Variants in PRLR observed in about 807,000 individuals in gnomAD.
The protein encoded by PRLR is prolactin receptor.
Under a neutral mutation model 40.2 loss-of-function variants are expected in PRLR, and 13 were observed. The ratio of observed to expected loss-of-function variants is 0.32; its 90% CI spans 0.21 to 0.51. PRLR has a LOEUF of 0.51. PRLR is among the 20% of genes least tolerant of loss of function. The pLI, the probability that PRLR is intolerant of heterozygous loss-of-function variation, is 0.97. For synonymous variants in PRLR, 269 were observed against 278.7 expected (o/e 0.97, Z 0.35); for missense variants, 656 against 747.3 (o/e 0.88, Z 1.42).
chr5:35,080,570 A>T (rs1264565991), intron 5 of PRLR, among the ~76,000 whole-genome samples: 1 of 152,216 alleles, frequency 6.6e-6, no homozygotes, highest in Non-Finnish European at 1.5e-5. Flanking sequence ...GTGGAGAAAT[A>T]GGAACACTTT....
chr5:35,080,715 T>C (rs1003374510), intron 5 of PRLR, among the ~76,000 whole-genome samples: 4 of 152,094 alleles, frequency 2.6e-5, no homozygotes, highest in Admixed American at 6.6e-5. Flanking sequence ...GGATTATAAA[T>C]AATGCTGCCA....
chr5:35,217,016 G>C (rs1248111362), intron 1 of PRLR, among the ~76,000 whole-genome samples: 3 of 152,152 alleles, frequency 2.0e-5, no homozygotes, highest in African/African-American at 7.2e-5. Context: ...TTAGGTGACA[G>C]GTTTTGCCTT....
At chr5:35,210,758 G>A (rs1776149098) in intron 1 of PRLR, among the ~76,000 whole-genome samples, 1 of 152,078 alleles carries the variant, frequency 6.6e-6, no homozygotes, top group Admixed American at 6.6e-5. Context: ...TATCCAGGCT[G>A]GAGTGCAGTG....
intron 5 of PRLR, 29 bp from the exon 6 acceptor site, chr5:35,072,773 AC>A (rs1769835406): frequency 6.2e-7 from 1 of 1,602,908 alleles, no homozygotes; most frequent in Admixed American, 1.8e-5. Context: ...TGCCAGTAGC[AC>A]TCATTGCTTG....
chr5:35,087,327 C>A (rs894905574), intron 3 of PRLR, among the ~76,000 whole-genome samples: 1 of 151,872 alleles, frequency 6.6e-6, no homozygotes, highest in Admixed American at 6.6e-5. Flanking sequence ...ATCTTGTGAC[C>A]CAGACTCACA....
At chr5:35,091,003 G>A (rs1417368828) in intron 2 of PRLR, among the ~76,000 whole-genome samples, 2 of 151,584 alleles carry the variant, frequency 1.3e-5, no homozygotes, top group Admixed American at 6.6e-5. Context: ...TAGTAGAGAC[G>A]GGGTTTCACC....
At chr5:35,159,283 T>A (rs1774601671) in intron 1 of PRLR, among the ~76,000 whole-genome samples, 1 of 145,188 alleles carries the variant, frequency 6.9e-6, no homozygotes, top group Non-Finnish European at 1.5e-5. Flanking sequence ...CGATTATGGC[T>A]CTCCTTTTCC....
intron 1 of PRLR, among the ~76,000 whole-genome samples, chr5:35,136,129 T>C (rs1268814619): frequency 6.6e-6 from 1 of 152,104 alleles, no homozygotes; most frequent in Non-Finnish European, 1.5e-5. Context: ...ATACAACCTT[T>C]GAGAATTTGA....
intron 2 of PRLR, among the ~76,000 whole-genome samples, chr5:35,112,498 G>C (rs1461488148): frequency 1.3e-5 from 2 of 152,110 alleles, no homozygotes; most frequent in East Asian, 3.9e-4. Flanking sequence ...CCGGGAAAGA[G>C]GGTAGAGAAA....
At chr5:35,202,619 G>A (rs1163372718) in intron 1 of PRLR, among the ~76,000 whole-genome samples, 1 of 152,044 alleles carries the variant, frequency 6.6e-6, no homozygotes, top group Non-Finnish European at 1.5e-5. Flanking sequence ...TTTCATATTG[G>A]TGCCTGGTAT....
Position 35,065,683 on chromosome 5 carries a change from G to T in PRLR, c.1275C>A (p.Asn425Lys). ...TWPLPQPSQH[N>K]PRSSYHNITD... ...TAATATTGTGGTAAGAGGATCTGGG[G>T]TTGTGCTGGCTGGGCTGTGGTAAGG... Residue 425 changes from asparagine to lysine, a missense_variant, in exon 10 of 10, where the codon AAC (asparagine) becomes AAA (lysine). Transcript: ENST00000618457. 6.2e-7 allele frequency: 1 copy of T among 1,614,156 alleles called. No individual in the cohort carries two copies. The highest frequency in any genetic ancestry group is 1.6e-4 in the Middle Eastern group (1 of 6,062).
chr5:35,198,352 T>A (rs1028728363), intron 1 of PRLR, among the ~76,000 whole-genome samples: 1 of 152,206 alleles, frequency 6.6e-6, no homozygotes, highest in Non-Finnish European at 1.5e-5. Context: ...TAACATGCCC[T>A]TGACTCTATG....
intron 4 of PRLR, among the ~76,000 whole-genome samples, chr5:35,085,594 C>A (rs1267277527): frequency 1.3e-5 from 2 of 152,152 alleles, no homozygotes; most frequent in Non-Finnish European, 2.9e-5. Flanking sequence ...CTTTTCCCTA[C>A]AAGGTTCTTT....
intron 1 of PRLR, among the ~76,000 whole-genome samples, chr5:35,207,395 C>A (rs1434375315): frequency 1.3e-5 from 2 of 151,810 alleles, no homozygotes; most frequent in Non-Finnish European, 2.9e-5. Context: ...AAGAAAAATC[C>A]ATTCATAATT....
chr5:35,210,460 A>G (rs964260553), intron 1 of PRLR, among the ~76,000 whole-genome samples: 7 of 152,236 alleles, frequency 4.6e-5, no homozygotes, highest in Admixed American at 2.0e-4. Flanking sequence ...AGTTCCTTCT[A>G]TAACTAATCT....
rs111433211 is a variant in PRLR at position 35,087,561 on chromosome 5, T to C, written c.71-1221A>G. The stretch of plus-strand genomic sequence containing the variant: ...TAAAACTATAATTTGATGGATCTTT[T>C]TGGGGTAGGAGGTGTGGTAAGAGGT... On this transcript the variant is annotated intron_variant, in intron 3 of 9. Coordinates refer to ENST00000618457, the MANE Select transcript of PRLR (RefSeq NM_000949.7). Among the ~76,000 whole-genome samples, 361 of 151,902 alleles carry C rather than the reference T, an allele frequency of 2.4e-3. 2 individuals carry two copies. Among genetic ancestry groups the C allele is most frequent in the African/African-American group, 7.9e-3 (326 of 41,378 alleles).
chr5:35,144,620 A>AT (rs752141245), intron 1 of PRLR, among the ~76,000 whole-genome samples: 2,846 of 137,800 alleles, frequency 0.021, 78 homozygotes, highest in African/African-American at 0.058. Context: ...TGCCTGGCTA[A>AT]TTTTTTTTTT....
At chr5:35,210,617 A>G (rs1204608936) in intron 1 of PRLR, among the ~76,000 whole-genome samples, 1 of 152,222 alleles carries the variant, frequency 6.6e-6, no homozygotes, top group African/African-American at 2.4e-5. Flanking sequence ...ATGCTAAATT[A>G]TATCCAAGAT....
chr5:35,098,470 T>G (rs949374203), intron 2 of PRLR, among the ~76,000 whole-genome samples: 7 of 152,218 alleles, frequency 4.6e-5, no homozygotes, highest in African/African-American at 1.7e-4. Context: ...GTTGTTTGTT[T>G]GTTACTAATT....
Sources: allele counts gnomAD v4.1 joint callset (sites outside exome capture counted in the v4.1 genomes callset), GRCh38; gene constraint gnomAD v4.1.1; transcripts MANE v1.5; gene names NCBI Gene and HGNC (gene_info 2026-07-23, HGNC 2026-07-21).